The following KDM3B variants were observed in gnomAD, a reference collection of about 807,000 sequenced individuals.
KDM3B encodes the protein lysine-specific demethylase 3B.
In KDM3B, 10 loss-of-function variants were observed where a neutral mutation model predicts 170.0. The observed-to-expected ratio is 0.06, with a 90% CI of 0.04 to 0.10. KDM3B has a LOEUF of 0.10. Ranked by LOEUF, KDM3B falls within the 10% of genes least tolerant of loss-of-function variation. The pLI, the probability that KDM3B is intolerant of heterozygous loss-of-function variation, is 1.00. For missense variants in KDM3B, 1,394 were observed against 2,195.2 expected (o/e 0.64, Z 7.29); for synonymous variants, 831 against 834.8 (o/e 1.00, Z 0.08).
chr5:138,404,096 C>T (rs1310416913), intron 11 of KDM3B, among the ~76,000 whole-genome samples: 2 of 151,974 alleles, frequency 1.3e-5, no homozygotes, highest in Non-Finnish European at 2.9e-5. Context: ...AAATGACCTA[C>T]ATTTATTAAT....
Position 138,352,958 on chromosome 5 carries a change from A to G in KDM3B, c.163A>G (p.Met55Val). 2 of 1,257,582 alleles carry G rather than the reference A, an allele frequency of 1.6e-6. No individual in the cohort carries two copies. The highest frequency in any genetic ancestry group is 2.0e-6 in the Non-Finnish European group (2 of 1,003,868). 77.9% of individuals were successfully genotyped at this position (1,257,582 alleles called of 1,614,324 possible). Residue 55 changes from methionine to valine, a missense_variant, in exon 1 of 24, where the codon ATG becomes GTG. Physicochemically the swap from Met to Val is conservative, Grantham distance 21. Coordinates refer to ENST00000314358, the MANE Select transcript of KDM3B (RefSeq NM_016604.4). Reference sequence around the variant, plus strand: ...CTGGCGGGCCGGCACGGTGCGGGCCATGAGCGGGGCGGTGCCCCAGGACCT... The same window carrying G: ...CTGGCGGGCCGGCACGGTGCGGGCCGTGAGCGGGGCGGTGCCCCAGGACCT... ...RAWRAGTVRAMSGAVPQDLAI... is the reference protein window; with the variant it reads ...RAWRAGTVRAVSGAVPQDLAI...
Position 138,391,953 on chromosome 5 carries a change from G to A in KDM3B, c.2321G>A (p.Gly774Asp). The A allele has an allele frequency of 6.2e-7, 1 of 1,612,640 alleles. No homozygotes were observed. The highest frequency in any genetic ancestry group is 8.5e-7 in the Non-Finnish European group (1 of 1,178,740). Residue 774 changes from glycine (G) to aspartate (D), a missense_variant, in exon 8 of 24, where the codon GGC becomes GAC. Around this residue, in one of 19 missense-constraint regions of KDM3B, gnomAD observed 84 missense variants for 135.8 expected, o/e 0.62. Coordinates refer to ENST00000314358, the MANE Select transcript of KDM3B (RefSeq NM_016604.4). The surrounding 1 kb of genome is among the most constrained non-coding windows in gnomAD (Gnocchi z 5.0). ...AGTAACGTCTTTGGCAGGCACTCAG[G>A]CGGCTTTCTGTCCTCCCCGGCAGAT... ...TFSNVFGRHSGGFLSSPADFS... is the reference protein window; with the variant it reads ...TFSNVFGRHSDGFLSSPADFS...
chr5:138,415,200 C>A lies in KDM3B; in HGVS notation c.3268C>A (p.Pro1090Thr). 2 of 1,609,570 alleles carry A rather than the reference C, an allele frequency of 1.2e-6. No individual in the cohort carries two copies. Among genetic ancestry groups the A allele is most frequent in the Non-Finnish European group, 1.7e-6 (2 of 1,176,770 alleles). ...LKCAKGQSHEPENLMPTQIIP... is the reference protein window; with the variant it reads ...LKCAKGQSHETENLMPTQIIP... ...GTGTGCAAAGGGACAGTCCCACGAACCAGAGAATCTCATGCCCACACAAAT... is the reference window on the plus strand; with the variant it reads ...GTGTGCAAAGGGACAGTCCCACGAAACAGAGAATCTCATGCCCACACAAAT... The change falls in exon 12 of 24, where the codon CCA becomes ACA. Residue 1090 changes from proline (P) to threonine (T), a missense_variant. Coordinates refer to ENST00000314358, the MANE Select transcript of KDM3B (RefSeq NM_016604.4).
intron 1 of KDM3B, among the ~76,000 whole-genome samples, chr5:138,360,512 T>A (rs1469817791): frequency 7.8e-6 from 1 of 127,800 alleles, no homozygotes; most frequent in Non-Finnish European, 1.7e-5. Flanking sequence ...GTTGATTTTT[T>A]AAAAAAAGAT....
chr5:138,361,310 C>T (rs904976212), intron 1 of KDM3B, among the ~76,000 whole-genome samples: 9 of 150,886 alleles, frequency 6.0e-5, no homozygotes, highest in Non-Finnish European at 7.4e-5. Context: ...ATAGTGTGAC[C>T]TCCTTCAGTT....
At chr5:138,372,904 T>C (rs1244417809) in intron 2 of KDM3B, 63 bp downstream of exon 2, 3 of 1,427,874 alleles carry the variant, frequency 2.1e-6, no homozygotes, top group Non-Finnish European at 2.9e-6. Flanking sequence ...AACTATGACA[T>C]GTTAGGGACA....
Position 138,435,737 on chromosome 5 carries a change from C to T in KDM3B, c.*37C>T. ...CTCCAAGCTCCTCTGTGAAGCAGGT[C>T]TTTCACTCACAACACTTAACAGGGA... On this transcript the variant is annotated 3_prime_UTR_variant, in exon 24 of 24. Coordinates refer to ENST00000314358, the MANE Select transcript of KDM3B (RefSeq NM_016604.4). The T allele has an allele frequency of 6.7e-7, 1 of 1,499,492 alleles. No homozygotes were observed. The highest frequency in any genetic ancestry group is 9.2e-7 in the Non-Finnish European group (1 of 1,082,882). 92.9% of individuals were successfully genotyped at this position (1,499,492 alleles called of 1,614,324 possible). A position where few individuals can be genotyped will look rare whatever the true frequency, so the allele number is the denominator to read the frequency against.
At chr5:138,388,416 A>C (rs937957724) in intron 7 of KDM3B, among the ~76,000 whole-genome samples, 1 of 151,936 alleles carries the variant, frequency 6.6e-6, no homozygotes, top group Admixed American at 6.6e-5. Context: ...GCGGATCACG[A>C]GGTCAGGAGA....
chr5:138,421,895 T>G (rs192948154), intron 15 of KDM3B, among the ~76,000 whole-genome samples: 1 of 152,290 alleles, frequency 6.6e-6, no homozygotes, highest in Admixed American at 6.5e-5. Context: ...CTCACCTCCC[T>G]GTCTTCAACT....
chr5:138,395,200 G>T (rs1762517550), intron 9 of KDM3B, among the ~76,000 whole-genome samples: 1 of 152,146 alleles, frequency 6.6e-6, no homozygotes, highest in Admixed American at 6.6e-5. Flanking sequence ...GTTAAGGGAA[G>T]GGGTCCTACC....
chr5:138,434,919 T>C (rs567281806), intron 23 of KDM3B, among the ~76,000 whole-genome samples: 40 of 152,322 alleles, frequency 2.6e-4, no homozygotes, highest in African/African-American at 6.3e-4. Context: ...CACATACATA[T>C]ACAGCAACTA....
chr5:138,430,446 T>G (rs28532999), intron 22 of KDM3B, 21 bp downstream of exon 22: 2 of 1,607,874 alleles, frequency 1.2e-6, no homozygotes, highest in South Asian at 2.2e-5. Context: ...GCTTGGGGGT[T>G]GGGCTGAACA....
intron 11 of KDM3B, among the ~76,000 whole-genome samples, chr5:138,401,850 A>G (rs1762702090): frequency 6.6e-6 from 1 of 151,288 alleles, no homozygotes; most frequent in African/African-American, 2.4e-5. Context: ...TGTCGTTTTG[A>G]TTTGCTTTCC....
At chr5:138,413,382 CAAA>C (rs1001856833) in intron 11 of KDM3B, among the ~76,000 whole-genome samples, 1 of 113,530 alleles carries the variant, frequency 8.8e-6, no homozygotes, top group Non-Finnish European at 1.9e-5. Flanking sequence ...GACTCCATCT[CAAA>C]AAAAAAAAAA....
At chr5:138,398,116 G>A in intron 9 of KDM3B, 62 bp from the exon 10 acceptor site, 4 of 1,288,112 alleles carry the variant, frequency 3.1e-6, no homozygotes, top group Non-Finnish European at 4.4e-6. Context: ...GGTCCCAGGA[G>A]TTTAGGTGTG....
At chr5:138,411,974 T>G (rs1762981614) in intron 11 of KDM3B, among the ~76,000 whole-genome samples, 1 of 148,630 alleles carries the variant, frequency 6.7e-6, no homozygotes, top group South Asian at 2.2e-4. Flanking sequence ...CCTCCCAAAG[T>G]GCTGGGATTA....
At chr5:138,380,676 A>G (rs1762104535) in intron 5 of KDM3B, among the ~76,000 whole-genome samples, 1 of 152,164 alleles carries the variant, frequency 6.6e-6, no homozygotes, top group South Asian at 2.1e-4. Context: ...AGGTCAAAGA[A>G]TATGCACAAT....
At chr5:138,408,950 T>C (rs950788724) in intron 11 of KDM3B, among the ~76,000 whole-genome samples, 1 of 152,098 alleles carries the variant, frequency 6.6e-6, no homozygotes, top group East Asian at 1.9e-4. Context: ...TAAACAGATA[T>C]ACAGTATATC....
chr5:138,405,444 C>T lies in KDM3B; in HGVS notation c.3199+5432C>T, dbSNP rs1311908996. 7.2e-5 allele frequency among the ~76,000 whole-genome samples: 11 copies of T among 151,800 alleles called. 1 individual carries two copies. Among genetic ancestry groups the T allele is most frequent in the South Asian group, 2.1e-4 (1 of 4,816 alleles). Reference sequence around the variant, plus strand: ...ATCACTTGAGCTGAGAGGTTGAGGCCGCAGGGAGCCATCATCACTTCACTG... The same window carrying T: ...ATCACTTGAGCTGAGAGGTTGAGGCTGCAGGGAGCCATCATCACTTCACTG... On this transcript the variant is annotated intron_variant, in intron 11 of 23. Coordinates refer to ENST00000314358, the MANE Select transcript of KDM3B (RefSeq NM_016604.4).
Sources: gnomAD v4.1 joint callset for allele counts (sites outside exome capture counted in the v4.1 genomes callset) on GRCh38, gnomAD v4.1.1 for gene constraint, gnomAD v4.1.1 regional missense constraint, Gnocchi (gnomAD v3.1) non-coding constraint, MANE v1.5 for transcripts, NCBI Gene and HGNC (gene_info 2026-07-23, HGNC 2026-07-21) for gene names.